Variants in LRRK2 observed in about 807,000 individuals in gnomAD.
LRRK2 encodes the protein leucine-rich repeat serine/threonine-protein kinase 2.
A neutral mutation model predicts 302.6 loss-of-function variants in LRRK2; 203 were observed. The observed-to-expected ratio is 0.67, with a 90% CI of 0.60 to 0.75. The LOEUF is 0.75. LRRK2 is among the 30% of genes least tolerant of loss of function. LRRK2 has a pLI of 0.00. For missense variants in LRRK2, 2,830 were observed against 2,951.0 expected (o/e 0.96, Z 0.95); for synonymous variants, 1,066 against 1,031.9 (o/e 1.03, Z -0.63).
At chr12:40,280,646 A>T (rs1220011226) in intron 18 of LRRK2, among the ~76,000 whole-genome samples, 2 of 150,150 alleles carry the variant, frequency 1.3e-5, no homozygotes, top group Non-Finnish European at 3.0e-5. Flanking sequence ...ATAAAATAAA[A>T]TAAAATAAAA....
intron 6 of LRRK2, among the ~76,000 whole-genome samples, chr12:40,242,891 T>C: frequency 7.0e-6 from 1 of 142,504 alleles, no homozygotes; most frequent in East Asian, 2.0e-4. Context: ...AGGATGACGA[T>C]GATGATGGTT....
At chr12:40,252,831 A>G (rs1942334624) in intron 10 of LRRK2, 79 bp from the exon 11 acceptor site, 8 of 897,464 alleles carry the variant, frequency 8.9e-6, no homozygotes, top group Non-Finnish European at 1.1e-5. Context: ...GTTGTTAGAG[A>G]TATTTGATAA....
rs200883475 is a variant in LRRK2 at position 40,304,062 on chromosome 12, G to T, written c.3705G>T (p.Leu1235Phe). 6 of 1,613,610 alleles carry T rather than the reference G, an allele frequency of 3.7e-6. No homozygotes were observed. The highest frequency in any genetic ancestry group is 5.1e-6 in the Non-Finnish European group (6 of 1,179,698). Reference protein sequence around the residue: ...LLFSHNQISILDLSEKAYLWS... With the variant: ...LLFSHNQISIFDLSEKAYLWS... ...TTAGCCATAATCAGATCAGCATCTT[G>T]GACTTGAGTGAAAAAGCATATTTAT... Residue 1235 changes from leucine (L) to phenylalanine (F), a missense_variant, in exon 27 of 51, where the codon TTG becomes TTT. This residue lies in a region of LRRK2 where 2,121 missense variants were observed against 2,148.0 expected (regional missense o/e 0.99). Transcript: ENST00000298910.
rs1302295414 is a variant in LRRK2, at chr12:40,295,544, C to A, written c.2996C>A (p.Ala999Asp). The change falls in exon 23 of 51, where the codon GCC becomes GAC. Residue 999 changes from alanine (A) to aspartate (D), a missense_variant. Physicochemically the swap from Ala to Asp is moderately radical, Grantham distance 126 (BLOSUM62 -2). Transcript: ENST00000298910. ...GCAAATGAACTAAGAGATATTGATG[C>A]CCTAAGCCAGAAATGCTGTATAAGT... The part of the protein sequence containing the change: ...LSANELRDID[A>D]LSQKCCISVH... 33 of 1,613,934 alleles carry A rather than the reference C, an allele frequency of 2.0e-5. No individual in the cohort carries two copies. The highest frequency in any genetic ancestry group is 2.8e-5 in the Non-Finnish European group (33 of 1,179,962).
chr12:40,335,057 G>A lies in LRRK2; in HGVS notation c.5848G>A (p.Ala1950Thr), dbSNP rs1453019753. The change falls in exon 40 of 51, where the codon GCC (alanine) becomes ACC (threonine). Residue 1950 changes from alanine (A) to threonine (T), a missense_variant. Physicochemically the swap from Ala to Thr is moderately conservative, Grantham distance 58. Coordinates refer to ENST00000298910, the MANE Select transcript of LRRK2 (RefSeq NM_198578.4). ...TCCCCGGATGTTGGTGATGGAGTTA[G>A]CCTCCAAGGGTTCCTTGGATCGCCT... ...IRPRMLVMEL[A>T]SKGSLDRLLQ... The A allele has an allele frequency of 1.9e-6, 3 of 1,614,130 alleles. No individual in the cohort carries two copies. Among genetic ancestry groups the A allele is most frequent in the East Asian group, 2.2e-5 (1 of 44,878 alleles).
At chr12:40,235,779 A>T in intron 4 of LRRK2, 65 bp downstream of exon 4, 1 of 789,186 alleles carries the variant, frequency 1.3e-6, no homozygotes, top group Non-Finnish European at 2.1e-6. Context: ...CATTAAGTAA[A>T]TGTGTGTGTG....
chr12:40,346,629 C>T, intron 41 of LRRK2, 124 bp from the exon 42 acceptor site: 1 of 874,262 alleles, frequency 1.1e-6, no homozygotes, highest in South Asian at 1.6e-5. Context: ...ATAAAAATAA[C>T]ACAGCCTGGT....
Position 40,262,410 on chromosome 12 carries a change from A to AT in LRRK2, c.1544-1378dup, listed in dbSNP as rs533880221. Among the ~76,000 whole-genome samples, 21 of 152,282 alleles carry AT rather than the reference A, an allele frequency of 1.4e-4. No individual in the cohort carries two copies. In the South Asian group the frequency reaches 3.9e-3, roughly 29 times the overall value. ...AGAGATTTTTAAGGTCAGGCCTGATATAACAGCACCAGATTTTCAGCTTAT... is the reference window on the plus strand; with the variant it reads ...AGAGATTTTTAAGGTCAGGCCTGATATTAACAGCACCAGATTTTCAGCTTAT... On this transcript the variant is annotated intron_variant, in intron 13 of 50. Coordinates refer to ENST00000298910, the MANE Select transcript of LRRK2 (RefSeq NM_198578.4).
chr12:40,228,433 C>CTTTTTTTTTTTTTTTTTTTTTTTTTTTT (rs35333613), intron 2 of LRRK2, among the ~76,000 whole-genome samples: 4 of 19,316 alleles, frequency 2.1e-4, no homozygotes, highest in Non-Finnish European at 2.7e-4. Flanking sequence ...AAAAATAAGA[C>CTTTTTTTTTTTTTTTTTTTTTTTTTTTT]TTTTTTTTTT....
chr12:40,320,309 C>G, intron 34 of LRRK2, 134 bp downstream of exon 34: 4 of 668,760 alleles, frequency 6.0e-6, no homozygotes, highest in Non-Finnish European at 7.5e-6. Context: ...AAACCTCCTA[C>G]TGACATGTAT....
At chr12:40,250,357 G>A (rs1405792563) in intron 8 of LRRK2, among the ~76,000 whole-genome samples, 2 of 152,112 alleles carry the variant, frequency 1.3e-5, no homozygotes, top group African/African-American at 4.8e-5. Flanking sequence ...TGGCATGGTG[G>A]CGGGCACCTA....
At chr12:40,316,962 C>T (rs1169787333) in intron 33 of LRRK2, among the ~76,000 whole-genome samples, 1 of 152,032 alleles carries the variant, frequency 6.6e-6, no homozygotes, top group East Asian at 1.9e-4. Context: ...TGGTGTGTTT[C>T]CATGTCACTA....
Position 40,363,412 on chromosome 12 carries a change from G to T in LRRK2, c.7039G>T (p.Ala2347Ser), listed in dbSNP as rs201264752. The change falls in exon 48 of 51, where the codon GCA becomes TCA. Residue 2347 changes from alanine (A) to serine (S), a missense_variant. By Grantham distance (99) the Ala-to-Ser change is moderately conservative (BLOSUM62 1). Transcript: ENST00000298910. ...TTTTTTTCTCTGTAGGTTTTCTTAT[G>T]CAGCTTTCAGTGATTCCAACATCAT... The part of the protein sequence containing the change: ...ETRTSQLFSY[A>S]AFSDSNIITV... The T allele has an allele frequency of 1.2e-6, 2 of 1,611,150 alleles. No individual in the cohort carries two copies. Among genetic ancestry groups the T allele is most frequent in the African/African-American group, 2.7e-5 (2 of 74,686 alleles).
chr12:40,352,584 T>C (rs1946388322), intron 44 of LRRK2, among the ~76,000 whole-genome samples: 1 of 149,652 alleles, frequency 6.7e-6, no homozygotes, highest in Admixed American at 6.7e-5. Context: ...AGGTCTCTGG[T>C]TTTCCTAGGC....
chr12:40,316,628 A>G (rs879501584), intron 33 of LRRK2, among the ~76,000 whole-genome samples: 3 of 152,066 alleles, frequency 2.0e-5, no homozygotes, highest in East Asian at 1.9e-4. Flanking sequence ...GAAAATAACA[A>G]TTATCTTCTA....
intron 42 of LRRK2, among the ~76,000 whole-genome samples, 178 bp downstream of exon 42, chr12:40,347,101 T>C (rs1313518415): frequency 6.6e-6 from 1 of 152,138 alleles, no homozygotes; most frequent in Non-Finnish European, 1.5e-5. Context: ...AAGGTAGCAG[T>C]TTTAGGCTTT....
At chr12:40,329,998 T>C (rs897383314) in intron 39 of LRRK2, among the ~76,000 whole-genome samples, 8 of 152,366 alleles carry the variant, frequency 5.3e-5, no homozygotes, top group African/African-American at 1.9e-4. Flanking sequence ...TACTTTCTTC[T>C]TGAAGACATT....
At chr12:40,322,235 TAA>T (rs66762941) in intron 36 of LRRK2, 54 bp downstream of exon 36, 215 of 1,383,482 alleles carry the variant, frequency 1.6e-4, no homozygotes, top group East Asian at 3.4e-4. Flanking sequence ...AATTTAAACT[TAA>T]AAAAAAAAAA....
chr12:40,356,303 C>G lies in LRRK2; in HGVS notation c.6843+116C>G, dbSNP rs1413697876. 68 of 734,344 alleles carry G rather than the reference C, an allele frequency of 9.3e-5. No individual in the cohort carries two copies. The South Asian group carries it at 1.2e-3, about 13-fold the overall frequency. The allele number at this position is 734,344 out of a possible 1,614,324, so 45.5% of individuals were successfully genotyped here. ...CTGAGAGCAAGAATCATAAATTATGCTGTATTTGTATTGCTTCATAAAATC... is the reference window on the plus strand; with the variant it reads ...CTGAGAGCAAGAATCATAAATTATGGTGTATTTGTATTGCTTCATAAAATC... On this transcript the variant is annotated intron_variant, in intron 46 of 50. Coordinates refer to ENST00000298910, the MANE Select transcript of LRRK2 (RefSeq NM_198578.4).
Sources: gnomAD v4.1 joint callset for allele counts (sites outside exome capture counted in the v4.1 genomes callset) on GRCh38, gnomAD v4.1.1 for gene constraint, gnomAD v4.1.1 regional missense constraint, MANE v1.5 for transcripts, NCBI Gene and HGNC (gene_info 2026-07-23, HGNC 2026-07-21) for gene names.